TBC1D15: variants seen among roughly 807,000 people sequenced by gnomAD.
TBC1D15 encodes the protein GAP for RAB7.
TBC1D15 carries 39 observed loss-of-function variants against 95.4 expected under a neutral mutation model. That is an observed-to-expected ratio of 0.41 (90% CI 0.32 to 0.53). The LOEUF (loss-of-function observed/expected upper bound fraction) is 0.53, where lower values mean the gene tolerates loss of function less well. TBC1D15 is among the 20% of genes least tolerant of loss of function. The pLI, the probability that TBC1D15 is intolerant of heterozygous loss-of-function variation, is 0.29. For missense variants in TBC1D15, 733 were observed against 794.3 expected, an observed-to-expected ratio of 0.92 and a Z score of 0.93; for synonymous variants, 258 against 261.3, an observed-to-expected ratio of 0.99 and a Z score of 0.12.
rs1022133292 is a variant in TBC1D15 at position 71,842,385 on chromosome 12, A to G, written c.30+2574A>G. ...GTGATATGATAACAGTACCTACTTTATTCTTGGTATGAGGATTAATGAGTA... is the reference window on the plus strand; with the variant it reads ...GTGATATGATAACAGTACCTACTTTGTTCTTGGTATGAGGATTAATGAGTA... On this transcript the variant is annotated intron_variant, in intron 1 of 16. Transcript: ENST00000485960. Among the ~76,000 whole-genome samples, 18 of 152,196 alleles carry G rather than the reference A, an allele frequency of 1.2e-4. 1 individual carries two copies. Among genetic ancestry groups the G allele is most frequent in the Non-Finnish European group, 1.5e-5 (1 of 68,034 alleles).
chr12:71,866,223 G>A (rs1227166815), intron 1 of TBC1D15, among the ~76,000 whole-genome samples: 1 of 152,146 alleles, frequency 6.6e-6, no homozygotes, highest in Non-Finnish European at 1.5e-5. Flanking sequence ...TGCCCCTAGA[G>A]CAATACACAT....
intron 12 of TBC1D15, among the ~76,000 whole-genome samples, chr12:71,916,456 T>C (rs1013414761): frequency 6.6e-6 from 1 of 152,168 alleles, no homozygotes; most frequent in Non-Finnish European, 1.5e-5. Context: ...AGGAACTATA[T>C]CCTAAAGCCT....
intron 1 of TBC1D15, among the ~76,000 whole-genome samples, chr12:71,862,423 A>G (rs1890585544): frequency 6.6e-6 from 1 of 152,114 alleles, no homozygotes; most frequent in Non-Finnish European, 1.5e-5. Context: ...CTTTTTCATT[A>G]TATAATAACC....
intron 11 of TBC1D15, among the ~76,000 whole-genome samples, chr12:71,911,273 G>A (rs1902214031): frequency 6.6e-6 from 1 of 152,044 alleles, no homozygotes; most frequent in South Asian, 2.1e-4. Flanking sequence ...CCATTACTGG[G>A]TATATACCCA....
rs1269631922 is a variant in TBC1D15 at position 71,895,953 on chromosome 12, T to A, written c.862T>A (p.Leu288Met). The A allele has an allele frequency of 1.9e-6, 3 of 1,611,972 alleles. No homozygotes were observed. The highest frequency in any genetic ancestry group is 2.5e-6 in the Non-Finnish European group (3 of 1,178,660). ...TGCTTAATCTTATTTTTAGATTGAT[T>A]TGGGGGAACGCCCTGTTGTTCAAAG... ...PGFEVITRID[L>M]GERPVVQRRE... is the part of the protein sequence containing the mutation. Residue 288 changes from leucine (L) to methionine (M), a missense_variant, in exon 8 of 17, where the codon TTG becomes ATG. By Grantham distance (15) the Leu-to-Met change is conservative (BLOSUM62 2). Transcript: ENST00000485960.
chr12:71,912,468 T>C (rs1423710956), intron 11 of TBC1D15, among the ~76,000 whole-genome samples: 1 of 152,144 alleles, frequency 6.6e-6, no homozygotes, highest in Non-Finnish European at 1.5e-5. Flanking sequence ...GGACAGAGGC[T>C]CACAGCAAAT....
intron 1 of TBC1D15, among the ~76,000 whole-genome samples, chr12:71,857,771 G>A (rs1456090859): frequency 6.6e-6 from 1 of 152,168 alleles, no homozygotes; most frequent in Non-Finnish European, 1.5e-5. Flanking sequence ...TGATAGTGCT[G>A]TAGAACGTTA....
At chr12:71,861,305 G>A (rs1431859958) in intron 1 of TBC1D15, 5 of 481,524 alleles carry the variant, frequency 1.0e-5, no homozygotes, top group African/African-American at 8.0e-5. Context: ...TAAATGTTTG[G>A]TAGAATTCCA....
At chr12:71,876,643 A>T (rs1893880186) in intron 3 of TBC1D15, among the ~76,000 whole-genome samples, 1 of 152,136 alleles carries the variant, frequency 6.6e-6, no homozygotes, top group Non-Finnish European at 1.5e-5. Context: ...GTGCAGCTCC[A>T]GGGCTTCCTG....
At chr12:71,890,746 A>G (rs888056095) in intron 5 of TBC1D15, among the ~76,000 whole-genome samples, 1 of 152,178 alleles carries the variant, frequency 6.6e-6, no homozygotes, top group Admixed American at 6.5e-5. Flanking sequence ...AATATTTTTC[A>G]GATAGTTTTC....
At chr12:71,895,059 CTCTA>C (rs1897898405) in intron 7 of TBC1D15, among the ~76,000 whole-genome samples, 176 bp downstream of exon 7, 1 of 152,024 alleles carries the variant, frequency 6.6e-6, no homozygotes, top group Non-Finnish European at 1.5e-5. Flanking sequence ...TTCATTTGTT[CTCTA>C]TCTTATACTC....
chr12:71,868,873 T>A (rs1892061201), intron 1 of TBC1D15: 1 of 152,220 alleles, frequency 6.6e-6, no homozygotes, highest in Non-Finnish European at 1.5e-5. Context: ...TTCCCGACTA[T>A]TCTACTAGCT....
At chr12:71,859,642 A>G (rs537743621) in intron 1 of TBC1D15, among the ~76,000 whole-genome samples, 19 of 150,984 alleles carry the variant, frequency 1.3e-4, no homozygotes, top group African/African-American at 3.9e-4. Flanking sequence ...GAGTCTCACT[A>G]TGTTGCCCGG....
chr12:71,867,911 C>A (rs1356996700), intron 1 of TBC1D15, among the ~76,000 whole-genome samples: 4 of 152,178 alleles, frequency 2.6e-5, no homozygotes, highest in Admixed American at 1.3e-4. Context: ...AAACAATTAT[C>A]ACTAAGTGAT....
At chr12:71,893,074 TA>T in intron 5 of TBC1D15, 147 bp from the exon 6 acceptor site, 1 of 493,406 alleles carries the variant, frequency 2.0e-6, no homozygotes, top group Non-Finnish European at 3.5e-6. Context: ...AAATAGTTAC[TA>T]AATATTTGCT....
intron 10 of TBC1D15, among the ~76,000 whole-genome samples, chr12:71,906,645 T>TA (rs1900783553): frequency 6.7e-6 from 1 of 149,230 alleles, no homozygotes; most frequent in Non-Finnish European, 1.5e-5. Context: ...TTTTTTTTTT[T>TA]ATTAGTTTTC....
At chr12:71,843,022 C>T (rs117151963) in intron 1 of TBC1D15, among the ~76,000 whole-genome samples, 3,233 of 151,070 alleles carry the variant, frequency 0.021, 58 homozygotes, top group South Asian at 0.07. Context: ...CACGGTGGCT[C>T]ATGCTTGTAA....
chr12:71,906,985 G>T, intron 10 of TBC1D15, 37 bp from the exon 11 acceptor site: 1 of 1,367,558 alleles, frequency 7.3e-7, no homozygotes, highest in Non-Finnish European at 1.0e-6. Flanking sequence ...TCTGTTTTTT[G>T]GAAGCTTTTC....
intron 1 of TBC1D15, among the ~76,000 whole-genome samples, chr12:71,858,873 T>G (rs1438552954): frequency 6.6e-6 from 1 of 152,136 alleles, no homozygotes; most frequent in Non-Finnish European, 1.5e-5. Flanking sequence ...TTTAGTTTTT[T>G]GAGGAACTTT....
Sources: allele counts gnomAD v4.1 joint callset (sites outside exome capture counted in the v4.1 genomes callset), GRCh38; gene constraint gnomAD v4.1.1; transcripts MANE v1.5; gene names NCBI Gene and HGNC (gene_info 2026-07-23, HGNC 2026-07-21).